Variants in CACNA1D observed in about 807,000 individuals in gnomAD.
CACNA1D encodes the protein calcium voltage-gated channel subunit alpha1 D.
CACNA1D carries 55 observed loss-of-function variants against 257.1 expected under a neutral mutation model. That is an observed-to-expected ratio of 0.21 (90% confidence interval 0.17 to 0.27). CACNA1D has a LOEUF of 0.27. CACNA1D is among the 10% of genes least tolerant of loss of function. The pLI is 1.00. For synonymous variants in CACNA1D, 980 were observed against 1,014.9 expected (o/e 0.97, Z 0.65); for missense variants, 1,876 against 2,784.0 (o/e 0.67, Z 7.34).
At chr3:53,542,580 TTAAA>T (rs3054119) in intron 3 of CACNA1D, among the ~76,000 whole-genome samples, 11 of 148,962 alleles carry the variant, frequency 7.4e-5, no homozygotes, top group South Asian at 2.2e-4. Flanking sequence ...ACCCTGTTGC[TTAAA>T]TAAATAAATA....
intron 3 of CACNA1D, among the ~76,000 whole-genome samples, chr3:53,549,417 A>G (rs989992940): frequency 3.3e-5 from 5 of 152,126 alleles, no homozygotes; most frequent in Non-Finnish European, 5.9e-5. Context: ...CTTGGGCTCT[A>G]TTTTTGCCTC....
At chr3:53,684,621 C>CAAAAAAAAA (rs60026644) in intron 8 of CACNA1D, among the ~76,000 whole-genome samples, 6 of 84,496 alleles carry the variant, frequency 7.1e-5, no homozygotes, top group African/African-American at 1.1e-4. Context: ...GAAACTCTGT[C>CAAAAAAAAA]AAAAAAAAAA....
chr3:53,509,279 C>CTG (rs57524253), intron 3 of CACNA1D, among the ~76,000 whole-genome samples: 22,951 of 149,846 alleles, frequency 0.15, 2,237 homozygotes, highest in Admixed American at 0.35. Context: ...ACAGCCCCCT[C>CTG]TGTGTGTGTG....
intron 29 of CACNA1D, among the ~76,000 whole-genome samples, chr3:53,756,821 T>C (rs2095268206): frequency 6.6e-6 from 1 of 152,204 alleles, no homozygotes; most frequent in South Asian, 2.1e-4. Context: ...CTGTCTGGGA[T>C]TCTCTTTGTG....
chr3:53,763,166 C>A (rs994490941), intron 30 of CACNA1D, among the ~76,000 whole-genome samples: 2 of 152,182 alleles, frequency 1.3e-5, no homozygotes, highest in Non-Finnish European at 2.9e-5. Flanking sequence ...GTCCCACACC[C>A]AAAGGGTGAT....
intron 29 of CACNA1D, among the ~76,000 whole-genome samples, chr3:53,757,266 A>G (rs1446137070): frequency 2.6e-5 from 4 of 151,772 alleles, no homozygotes; most frequent in African/African-American, 9.7e-5. Flanking sequence ...ATTTACTTTT[A>G]ATGGCAAATA....
At position 53,613,542 on chromosome 3, in the gene CACNA1D, A is replaced by G. The variant is rs973921210; in HGVS notation, c.484-37237A>G. On this transcript the variant is annotated intron_variant, in intron 3 of 47. Transcript: ENST00000350061. ...CCTTATTTATATAATTGGCACGGCCATCTGTGTGTGTGTGTGTGTGTGTAT... is the reference window on the plus strand; with the variant it reads ...CCTTATTTATATAATTGGCACGGCCGTCTGTGTGTGTGTGTGTGTGTGTAT... Among the ~76,000 whole-genome samples the G allele has an allele frequency of 1.1e-4, 11 of 100,816 alleles. No individual in the cohort carries two copies. In the South Asian group the frequency reaches 2.2e-3, roughly 20 times the overall value. 66.1% of individuals were successfully genotyped at this position (100,816 alleles called of 152,430 possible).
chr3:53,766,427 C>T (rs555907346), intron 30 of CACNA1D, among the ~76,000 whole-genome samples: 4 of 152,356 alleles, frequency 2.6e-5, no homozygotes, highest in South Asian at 2.1e-4. Flanking sequence ...CGCAATGCCT[C>T]GGGTTACCTG....
At chr3:53,750,775 C>T (rs2095218397) in intron 27 of CACNA1D, among the ~76,000 whole-genome samples, 1 of 152,168 alleles carries the variant, frequency 6.6e-6, no homozygotes, top group Non-Finnish European at 1.5e-5. Flanking sequence ...CGCCGGGTCC[C>T]AGACACTGGG....
chr3:53,790,723 GTCT>G (rs1487831430), intron 40 of CACNA1D, among the ~76,000 whole-genome samples: 3 of 152,226 alleles, frequency 2.0e-5, no homozygotes, highest in Non-Finnish European at 2.9e-5. Context: ...GCCCCGCGTG[GTCT>G]TCTTAGGGAG....
intron 11 of CACNA1D, among the ~76,000 whole-genome samples, chr3:53,720,762 T>C (rs1270602327): frequency 1.3e-5 from 2 of 152,230 alleles, no homozygotes; most frequent in Non-Finnish European, 2.9e-5. Flanking sequence ...CTGACAAGGA[T>C]GCTGATTGGT....
At chr3:53,725,242 C>T (rs2094923941) in intron 14 of CACNA1D, among the ~76,000 whole-genome samples, 1 of 152,206 alleles carries the variant, frequency 6.6e-6, no homozygotes, top group African/African-American at 2.4e-5. Context: ...GCTTTTATCA[C>T]TTTGAGTGTC....
intron 3 of CACNA1D, among the ~76,000 whole-genome samples, chr3:53,505,025 G>T (rs905109395): frequency 6.6e-6 from 1 of 151,446 alleles, no homozygotes; most frequent in Non-Finnish European, 1.5e-5. Context: ...AGCACTAAGC[G>T]CCCGGAGGCA....
intron 3 of CACNA1D, among the ~76,000 whole-genome samples, chr3:53,634,525 C>T (rs909908926): frequency 6.6e-6 from 1 of 152,090 alleles, no homozygotes; most frequent in Non-Finnish European, 1.5e-5. Flanking sequence ...TGTGTGCTTG[C>T]TAGTATGTCC....
chr3:53,674,181 G>A (rs1328005710), intron 8 of CACNA1D: 5 of 377,866 alleles, frequency 1.3e-5, no homozygotes, highest in Admixed American at 7.9e-5. Context: ...ACTCCTTGTC[G>A]TTTTGTGTCT....
At chr3:53,805,329 A>G in intron 45 of CACNA1D, 183 bp downstream of exon 45, 1 of 634,468 alleles carries the variant, frequency 1.6e-6, no homozygotes, top group Non-Finnish European at 2.8e-6. Flanking sequence ...ATCTCACGTG[A>G]TAGAGCTCTA....
intron 6 of CACNA1D, among the ~76,000 whole-genome samples, chr3:53,666,034 A>G (rs917909544): frequency 2.6e-5 from 4 of 152,160 alleles, no homozygotes; most frequent in Non-Finnish European, 4.4e-5. Flanking sequence ...CCTGGCAAAC[A>G]AGATAAGAGA....
chr3:53,586,319 T>TGTGTGTGTGTGTGC (rs1491378698), intron 3 of CACNA1D, among the ~76,000 whole-genome samples: 1 of 149,918 alleles, frequency 6.7e-6, no homozygotes, highest in Non-Finnish European at 1.5e-5. Context: ...TGTGTGTGTG[T>TGTGTGTGTGTGTGC]GCATTCCTCC....
intron 3 of CACNA1D, among the ~76,000 whole-genome samples, chr3:53,596,856 A>G (rs2107842053): frequency 6.6e-6 from 1 of 152,348 alleles, no homozygotes; most frequent in East Asian, 1.9e-4. Flanking sequence ...TTGTTATAGA[A>G]GCAATGGGAA....
Sources: gnomAD v4.1 joint callset for allele counts (sites outside exome capture counted in the v4.1 genomes callset) on GRCh38, gnomAD v4.1.1 for gene constraint, MANE v1.5 for transcripts, NCBI Gene and HGNC (gene_info 2026-07-23, HGNC 2026-07-21) for gene names.